The following PRPSAP1 variants were observed in gnomAD, a reference collection of about 807,000 sequenced individuals.
PRPSAP1 encodes phosphoribosyl pyrophosphate synthase-associated protein 1.
In PRPSAP1, 31 loss-of-function variants were observed where a neutral mutation model predicts 39.4. The observed-to-expected ratio is 0.79, with a 90% CI of 0.59 to 1.06. PRPSAP1 has a LOEUF of 1.06. PRPSAP1 is among the 50% of genes least tolerant of loss of function. The probability of loss-of-function intolerance (pLI) is 0.00; values close to 1 mark genes in which losing one functional copy is unlikely to be tolerated. For missense variants in PRPSAP1, 430 were observed against 511.6 expected (o/e 0.84, Z 1.54); for synonymous variants, 212 against 192.6 (o/e 1.10, Z -0.83).
intron 7 of PRPSAP1, among the ~76,000 whole-genome samples, chr17:76,321,383 C>T (rs1361706459): frequency 6.6e-6 from 1 of 151,842 alleles, no homozygotes; most frequent in Admixed American, 6.6e-5. Flanking sequence ...GGTGAAACCC[C>T]GTCGTTACTA....
At chr17:76,328,363 G>A (rs561850585) in intron 7 of PRPSAP1, among the ~76,000 whole-genome samples, 10 of 152,232 alleles carry the variant, frequency 6.6e-5, no homozygotes, top group East Asian at 1.9e-4. Context: ...AGGCTGAGGC[G>A]AGCAGATCAC....
At chr17:76,339,058 T>C (rs1260947706) in intron 3 of PRPSAP1, among the ~76,000 whole-genome samples, 1 of 151,130 alleles carries the variant, frequency 6.6e-6, no homozygotes, top group Non-Finnish European at 1.5e-5. Flanking sequence ...TTAAATTAAA[T>C]TATCTGTGTT....
In PRPSAP1 at chr17:76,353,844, G is replaced by T; in HGVS notation, c.-141C>A. 7.3e-7 allele frequency: 1 copy of T among 1,377,414 alleles called. No homozygotes were observed. The highest frequency in any genetic ancestry group is 9.3e-7 in the Non-Finnish European group (1 of 1,073,506). 85.3% of individuals were successfully genotyped at this position (1,377,414 alleles called of 1,614,324 possible). On this transcript the variant is annotated 5_prime_UTR_variant, in exon 1 of 10. Coordinates refer to ENST00000446526, the MANE Select transcript of PRPSAP1 (RefSeq NM_002766.3). ...GGAGAGCTCCGAGGTCCGTGCCCTT[G>T]CGCACCCCACACCACTGACTACAGC...
At chr17:76,350,265 C>T (rs2071553613) in intron 1 of PRPSAP1, among the ~76,000 whole-genome samples, 1 of 151,844 alleles carries the variant, frequency 6.6e-6, no homozygotes, top group African/African-American at 2.4e-5. Flanking sequence ...CGGTGAAACC[C>T]CATCTCTACT....
At chr17:76,324,318 G>C in intron 7 of PRPSAP1, among the ~76,000 whole-genome samples, 1 of 151,926 alleles carries the variant, frequency 6.6e-6, no homozygotes, top group East Asian at 1.9e-4. Flanking sequence ...AATGCTGTCA[G>C]CCGGGCGCAG....
At chr17:76,338,730 TATAAA>T (rs1253425566) in intron 3 of PRPSAP1, among the ~76,000 whole-genome samples, 5 of 149,740 alleles carry the variant, frequency 3.3e-5, no homozygotes, top group East Asian at 2.0e-4. Context: ...AAATATAAAA[TATAAA>T]ATAAAATAAA....
intron 7 of PRPSAP1, among the ~76,000 whole-genome samples, chr17:76,324,460 T>C (rs1028906157): frequency 2.6e-5 from 4 of 151,478 alleles, no homozygotes; most frequent in Non-Finnish European, 4.4e-5. Flanking sequence ...ATTAGCCAGG[T>C]GTGGTGATGC....
intron 5 of PRPSAP1, 75 bp from the exon 6 acceptor site, chr17:76,330,173 T>G: frequency 7.4e-7 from 1 of 1,349,718 alleles, no homozygotes; most frequent in East Asian, 2.3e-5. Flanking sequence ...ATTCAAGTTT[T>G]CCCTCTTATA....
intron 7 of PRPSAP1, among the ~76,000 whole-genome samples, chr17:76,326,749 A>G (rs992422758): frequency 3.9e-5 from 6 of 152,234 alleles, no homozygotes; most frequent in African/African-American, 1.4e-4. Context: ...TCTAAAGGAC[A>G]CTGCTGGGAC....
At chr17:76,350,368 GGCGGA>G (rs1320093127) in intron 1 of PRPSAP1, among the ~76,000 whole-genome samples, 5 of 152,020 alleles carry the variant, frequency 3.3e-5, no homozygotes, top group African/African-American at 1.2e-4. Flanking sequence ...GAACCCAGGG[GGCGGA>G]GCTTACAGTG....
intron 2 of PRPSAP1, chr17:76,346,111 A>G (rs1180062254): frequency 3.2e-6 from 1 of 311,522 alleles, no homozygotes; most frequent in African/African-American, 2.2e-5. Flanking sequence ...AAGCGTGTGC[A>G]TTTTGGATAA....
chr17:76,339,707 T>C (rs979602957), intron 3 of PRPSAP1, among the ~76,000 whole-genome samples: 2 of 151,780 alleles, frequency 1.3e-5, no homozygotes, highest in African/African-American at 2.4e-5. Context: ...TTTATACCTA[T>C]GTGCCTTTTT....
At chr17:76,315,984 C>T (rs1344091111) in intron 7 of PRPSAP1, among the ~76,000 whole-genome samples, 2 of 151,420 alleles carry the variant, frequency 1.3e-5, no homozygotes, top group East Asian at 3.9e-4. Flanking sequence ...TCAAGACCAG[C>T]CTGGCCAACA....
intron 1 of PRPSAP1, among the ~76,000 whole-genome samples, chr17:76,351,768 T>G (rs769172000): frequency 1.1e-4 from 17 of 152,272 alleles, no homozygotes; most frequent in Non-Finnish European, 2.4e-4. Flanking sequence ...ATATGTATCA[T>G]TTATAGTAAT....
chr17:76,324,488 T>C (rs189570894), intron 7 of PRPSAP1, among the ~76,000 whole-genome samples: 329 of 150,906 alleles, frequency 2.2e-3, no homozygotes, highest in Non-Finnish European at 3.8e-3. Flanking sequence ...TAATCCCAGC[T>C]ACTTAGGGAG....
chr17:76,339,680 G>A (rs1415021712), intron 3 of PRPSAP1, among the ~76,000 whole-genome samples: 1 of 151,626 alleles, frequency 6.6e-6, no homozygotes, highest in Non-Finnish European at 1.5e-5. Flanking sequence ...GAGGGTTCTG[G>A]TTTTCAGAAG....
In PRPSAP1 at chr17:76,321,358, C is replaced by T. The variant is rs148547607; in HGVS notation, c.781+7359G>A. On this transcript the variant is annotated intron_variant, in intron 7 of 9. Coordinates refer to ENST00000446526, the MANE Select transcript of PRPSAP1 (RefSeq NM_002766.3). ...GATCATGAGGTCAGGAGTTCAAGAC[C>T]AGCCTGACCAACATGGTGAAACCCC... is the stretch of plus-strand genomic sequence containing the variant. 1.4e-3 allele frequency among the ~76,000 whole-genome samples: 209 copies of T among 152,066 alleles called. 2 individuals are homozygous for T. The highest frequency in any genetic ancestry group is 6.6e-3 in the Admixed American group (100 of 15,256).
chr17:76,329,072 A>AC, intron 6 of PRPSAP1: 2 of 511,322 alleles, frequency 3.9e-6, no homozygotes, highest in Non-Finnish European at 3.2e-6. Context: ...CTGATTCTAG[A>AC]CATTTTTTTT....
intron 3 of PRPSAP1, among the ~76,000 whole-genome samples, chr17:76,335,431 C>A (rs2071367632): frequency 6.6e-6 from 1 of 152,096 alleles, no homozygotes; most frequent in Non-Finnish European, 1.5e-5. Flanking sequence ...TCTCAGCTCA[C>A]TGCAACCTCT....
Sources: gnomAD v4.1 joint callset for allele counts (sites outside exome capture counted in the v4.1 genomes callset) on GRCh38, gnomAD v4.1.1 for gene constraint, MANE v1.5 for transcripts, NCBI Gene and HGNC (gene_info 2026-07-23, HGNC 2026-07-21) for gene names.